The following CEACAM1 variants were observed in gnomAD, a reference collection of about 807,000 sequenced individuals.
The protein encoded by CEACAM1 is cell adhesion molecule CEACAM1.
Under a neutral mutation model 49.1 loss-of-function variants are expected in CEACAM1, and 31 were observed. That is an observed-to-expected ratio of 0.63 (90% CI 0.47 to 0.85). The LOEUF (loss-of-function observed/expected upper bound fraction) is 0.85. Ranked by LOEUF, CEACAM1 falls within the 40% of genes least tolerant of loss-of-function variation. The pLI, the probability that CEACAM1 is intolerant of heterozygous loss-of-function variation, is 0.00. For missense variants in CEACAM1, 570 were observed against 645.3 expected, an observed-to-expected ratio of 0.88 and a Z score of 1.26; for synonymous variants, 244 against 247.8, an observed-to-expected ratio of 0.98 and a Z score of 0.14.
At chr19:42,515,779 A>G (rs778436807) in intron 5 of CEACAM1, among the ~76,000 whole-genome samples, 1 of 152,236 alleles carries the variant, frequency 6.6e-6, no homozygotes, top group Non-Finnish European at 1.5e-5. Context: ...GTAAAACATT[A>G]CTACTAATTC....
At chr19:42,519,498 T>C in intron 4 of CEACAM1, 1 of 436,394 alleles carries the variant, frequency 2.3e-6, no homozygotes, top group Non-Finnish European at 4.1e-6. Context: ...TCTCTATATC[T>C]CCACTTGGAA....
In CEACAM1 at chr19:42,512,395, A is replaced by G. The variant is rs757710405; in HGVS notation, c.1331T>C (p.Ile444Thr). 8.1e-6 allele frequency: 13 copies of G among 1,614,062 alleles called. No individual in the cohort carries two copies. The highest frequency in any genetic ancestry group is 1.6e-4 in the Middle Eastern group (1 of 6,084). Residue 444 changes from isoleucine to threonine, a missense_variant, in exon 6 of 9, where the codon ATA becomes ACA. By Grantham distance (89) the Ile-to-Thr change is moderately conservative. Coordinates refer to ENST00000161559, the MANE Select transcript of CEACAM1 (RefSeq NM_001712.5). ...CAGAAAACATGCCAGGGCTACTGCT[A>G]TCAGAGCAACCAGGGCCACTACTCC... ...VIGVVALVAL[I>T]AVALACFLHF... is the part of the protein sequence containing the mutation.
At chr19:42,526,905 T>C in intron 2 of CEACAM1, 136 bp downstream of exon 2, 1 of 1,383,266 alleles carries the variant, frequency 7.2e-7, no homozygotes, top group Non-Finnish European at 9.9e-7. Flanking sequence ...CCATAGTGTG[T>C]CCTGCACTAG....
rs1377337599 is a variant in CEACAM1, at chr19:42,508,380, T to C, written c.*729A>G. The C allele has an allele frequency of 2.0e-5, 3 of 152,406 alleles. No individual in the cohort carries two copies. The highest frequency in any genetic ancestry group is 7.2e-5 in the African/African-American group (3 of 41,466). The allele number at this position is 152,406 out of a possible 1,614,324, so 9.4% of individuals were successfully genotyped here. A position where few individuals can be genotyped will look rare whatever the true frequency, so the allele number is the denominator to read the frequency against. On this transcript the variant is annotated 3_prime_UTR_variant, in exon 9 of 9. Coordinates refer to ENST00000161559, the MANE Select transcript of CEACAM1 (RefSeq NM_001712.5). ...GCCTTGAACAGAGCCCATAAAGATA[T>C]TAAAACATATATGTGCTTTTGCATT...
At position 42,508,698 on chromosome 19, in the gene CEACAM1, C is replaced by T. The variant is rs1267010320; in HGVS notation, c.*411G>A. The T allele has an allele frequency of 6.0e-6, 1 of 167,522 alleles. No homozygotes were observed. The highest frequency in any genetic ancestry group is 1.3e-5 in the Non-Finnish European group (1 of 76,714). 10.4% of individuals were successfully genotyped at this position (167,522 alleles called of 1,614,324 possible). Reference sequence around the variant, plus strand: ...TCTCTCTTGTTTCCTGGCACATGTACTTAATGGAAAAGGACATAACCTCAA... The same window carrying T: ...TCTCTCTTGTTTCCTGGCACATGTATTTAATGGAAAAGGACATAACCTCAA... On this transcript the variant is annotated 3_prime_UTR_variant, in exon 9 of 9. Coordinates refer to ENST00000161559, the MANE Select transcript of CEACAM1 (RefSeq NM_001712.5).
chr19:42,521,077 G>GAGAAAT (rs2041732809), intron 4 of CEACAM1, 190 bp downstream of exon 4: 15 of 667,674 alleles, frequency 2.2e-5, no homozygotes, highest in Non-Finnish European at 3.6e-5. Context: ...CCTAAGGTCA[G>GAGAAAT]CTGTGAGAAA....
intron 5 of CEACAM1, chr19:42,518,692 G>A (rs1434282500): frequency 4.6e-6 from 2 of 436,012 alleles, no homozygotes; most frequent in African/African-American, 4.1e-5. Context: ...AGTAGACACG[G>A]GGTTTCACCA....
At chr19:42,518,902 G>T in intron 5 of CEACAM1, 46 bp downstream of exon 5, 1 of 1,594,758 alleles carries the variant, frequency 6.3e-7, no homozygotes, top group Non-Finnish European at 8.6e-7. Flanking sequence ...ACCATTGACA[G>T]AGTAATCCTA....
intron 4 of CEACAM1, among the ~76,000 whole-genome samples, chr19:42,519,631 A>G (rs995475314): frequency 2.0e-5 from 3 of 148,710 alleles, no homozygotes; most frequent in African/African-American, 5.0e-5. Flanking sequence ...ATGCAGTGGC[A>G]TGATCTCAGC....
intron 5 of CEACAM1, among the ~76,000 whole-genome samples, chr19:42,513,426 A>G (rs1020923092): frequency 6.6e-6 from 1 of 152,018 alleles, no homozygotes; most frequent in African/African-American, 2.4e-5. Flanking sequence ...GTGAAACCCT[A>G]TCTCTACTAA....
In CEACAM1 at chr19:42,522,088, A is replaced by G; in HGVS notation, c.539T>C (p.Ile180Thr). 1 of 1,614,106 alleles carries G rather than the reference A, an allele frequency of 6.2e-7. No homozygotes were observed. The highest frequency in any genetic ancestry group is 8.5e-7 in the Non-Finnish European group (1 of 1,180,008). Residue 180 changes from isoleucine to threonine, a missense_variant, in exon 3 of 9, where the codon ATA becomes ACA. Transcript: ENST00000161559. ...ETQDTTYLWWINNQSLPVSPR... is the reference protein window; with the variant it reads ...ETQDTTYLWWTNNQSLPVSPR... ...ACTGACCGGGAGGCTCTGATTGTTT[A>G]TCCACCACAGGTAGGTTGTGTCCTG...
At chr19:42,517,172 A>G (rs1031804538) in intron 5 of CEACAM1, among the ~76,000 whole-genome samples, 12 of 152,232 alleles carry the variant, frequency 7.9e-5, no homozygotes, top group African/African-American at 2.9e-4. Context: ...CATATATAAA[A>G]ATTAATTCAA....
intron 8 of CEACAM1, 99 bp downstream of exon 8, chr19:42,510,790 A>G (rs2041438026): frequency 1.8e-6 from 2 of 1,140,124 alleles, no homozygotes; most frequent in Non-Finnish European, 2.7e-6. Flanking sequence ...GAGGAACATT[A>G]ACCCAAACTT....
At chr19:42,527,716 C>CT (rs2041931995) in intron 1 of CEACAM1, 1 of 292,764 alleles carries the variant, frequency 3.4e-6, no homozygotes, top group African/African-American at 2.1e-5. Flanking sequence ...GACACCTCCC[C>CT]TAGAGACCCT....
At position 42,508,771 on chromosome 19, in the gene CEACAM1, G is replaced by T; in HGVS notation, c.*338C>A. 2 of 261,344 alleles carry T rather than the reference G, an allele frequency of 7.7e-6. No individual in the cohort carries two copies. Among genetic ancestry groups the T allele is most frequent in the South Asian group, 8.8e-5 (2 of 22,628 alleles). The allele number at this position is 261,344 out of a possible 1,614,324, so 16.2% of individuals were successfully genotyped here. A position where few individuals can be genotyped will look rare whatever the true frequency, so the allele number is the denominator to read the frequency against. On this transcript the variant is annotated 3_prime_UTR_variant, in exon 9 of 9. Transcript: ENST00000161559. ...AGTGATAGGACAGGACTGGGGGTGGGAAGGAATGAGTGCTCTGAACAGGCA... is the reference window on the plus strand; with the variant it reads ...AGTGATAGGACAGGACTGGGGGTGGTAAGGAATGAGTGCTCTGAACAGGCA...
chr19:42,521,402 C>T lies in CEACAM1; in HGVS notation c.823G>A (p.Gly275Arg). 1 of 1,614,148 alleles carries T rather than the reference C, an allele frequency of 6.2e-7. No individual in the cohort carries two copies. Among genetic ancestry groups the T allele is most frequent in the Non-Finnish European group, 8.5e-7 (1 of 1,180,024 alleles). ...PPAQYSWLIN[G>R]TFQQSTQELF... ...TCTTGTGTGCTTTGCTGGAATGTTC[C>T]ATTGATAAGCCAGGAGTACTGTGCA... Residue 275 changes from glycine (G) to arginine (R), a missense_variant, in exon 4 of 9, where the codon GGA (glycine) becomes AGA (arginine). Transcript: ENST00000161559.
chr19:42,516,897 C>CA (rs563641508), intron 5 of CEACAM1: 20 of 422,848 alleles, frequency 4.7e-5, no homozygotes, highest in South Asian at 2.5e-4. Flanking sequence ...CAAAACAAAA[C>CA]AAAAAAACCC....
intron 2 of CEACAM1, 149 bp from the exon 3 acceptor site, chr19:42,522,351 T>C: frequency 1.5e-6 from 2 of 1,363,358 alleles, no homozygotes; most frequent in Non-Finnish European, 2.0e-6. Flanking sequence ...CTCGGCTCAC[T>C]GCAACCTCCA....
At chr19:42,518,838 A>C (rs1030910132) in intron 5 of CEACAM1, 110 bp downstream of exon 5, 3 of 1,266,140 alleles carry the variant, frequency 2.4e-6, no homozygotes, top group East Asian at 4.6e-5. Flanking sequence ...TCTGTTTGCT[A>C]TAATGGTCTC....
Sources: gnomAD v4.1 joint callset for allele counts (sites outside exome capture counted in the v4.1 genomes callset) on GRCh38, gnomAD v4.1.1 for gene constraint, MANE v1.5 for transcripts, NCBI Gene and HGNC (gene_info 2026-07-23, HGNC 2026-07-21) for gene names.